Variants in PTPRD observed in about 807,000 individuals in gnomAD.
PTPRD encodes receptor-type tyrosine-protein phosphatase delta.
A neutral mutation model predicts 214.5 loss-of-function variants in PTPRD; 34 were observed. The ratio of observed to expected loss-of-function variants is 0.16; its 90% CI spans 0.12 to 0.21. The LOEUF is 0.21. Among genes scored for constraint, PTPRD ranks in the 10% least tolerant of loss-of-function variants. The probability of loss-of-function intolerance (pLI) is 1.00; values close to 1 mark genes in which losing one functional copy is unlikely to be tolerated. For synonymous variants in PTPRD, 1,128 were observed against 845.7 expected (o/e 1.33, Z -5.79); for missense variants, 2,545 against 2,398.7 (o/e 1.06, Z -1.27).
intron 43 of PTPRD, among the ~76,000 whole-genome samples, chr9:8,336,613 A>T (rs749257160): frequency 3.4e-4 from 49 of 144,676 alleles, no homozygotes; most frequent in Non-Finnish European, 6.0e-4. Flanking sequence ...ATTAAACTAA[A>T]GAGCTTCTGC....
At chr9:9,545,354 C>G (rs533265413) in intron 8 of PTPRD, among the ~76,000 whole-genome samples, 43 of 151,880 alleles carry the variant, frequency 2.8e-4, no homozygotes, top group African/African-American at 9.2e-4. Context: ...TTTAATGTCT[C>G]CACAGTTTCG....
intron 5 of PTPRD, among the ~76,000 whole-genome samples, chr9:9,864,122 T>C (rs1297304899): frequency 6.6e-6 from 1 of 152,072 alleles, no homozygotes; most frequent in African/African-American, 2.4e-5. Flanking sequence ...CTGGCCAACA[T>C]GGTGAAACCC....
chr9:8,419,444 C>T lies in PTPRD; in HGVS notation c.4087-14784G>A, dbSNP rs149831394. On this transcript the variant is annotated intron_variant, in intron 35 of 45. Coordinates refer to ENST00000381196, the MANE Select transcript of PTPRD (RefSeq NM_002839.4). ...TCAAGGGTATGCTTTGAAAACCAAA[C>T]AATATAGCGAACAAAAAACAAAAAG... Among the ~76,000 whole-genome samples the T allele has an allele frequency of 3.6e-3, 542 of 151,858 alleles. 1 individual carries two copies. The highest frequency in any genetic ancestry group is 0.013 in the African/African-American group (519 of 41,448).
chr9:10,138,725 T>C (rs1358096275), intron 3 of PTPRD, among the ~76,000 whole-genome samples: 4 of 152,120 alleles, frequency 2.6e-5, no homozygotes, highest in Non-Finnish European at 1.5e-5. Flanking sequence ...GCTTTCTTCC[T>C]GGGATGCAAG....
chr9:10,566,567 A>G (rs572973855), intron 2 of PTPRD, among the ~76,000 whole-genome samples: 50 of 152,012 alleles, frequency 3.3e-4, no homozygotes, highest in African/African-American at 1.1e-3. Flanking sequence ...TAGGAGTTCT[A>G]TGTTCTGTAT....
In PTPRD at chr9:10,345,224, A is replaced by G. The variant is rs558830584; in HGVS notation, c.-599-4207T>C. Among the ~76,000 whole-genome samples, 118 of 152,288 alleles carry G rather than the reference A, an allele frequency of 7.7e-4. 2 individuals are homozygous for G. Among genetic ancestry groups the G allele is most frequent in the African/African-American group, 2.6e-3 (108 of 41,570 alleles). On this transcript the variant is annotated intron_variant, in intron 2 of 45. Coordinates refer to ENST00000381196, the MANE Select transcript of PTPRD (RefSeq NM_002839.4). The stretch of plus-strand genomic sequence containing the variant: ...TTAAATAATATTTCAGACAACCTCA[A>G]TTTACACATGGAAATATATTTTCAT...
intron 3 of PTPRD, among the ~76,000 whole-genome samples, chr9:10,243,370 T>C (rs189542647): frequency 1.3e-5 from 2 of 152,152 alleles, no homozygotes; most frequent in African/African-American, 2.4e-5. Flanking sequence ...TATCACTTTG[T>C]CTACCTTGTG....
intron 8 of PTPRD, among the ~76,000 whole-genome samples, chr9:9,538,575 A>G (rs545619305): frequency 6.6e-6 from 1 of 152,008 alleles, no homozygotes; most frequent in East Asian, 2.0e-4. Context: ...ATGGCACCCA[A>G]CTCAGTAATG....
intron 14 of PTPRD, among the ~76,000 whole-genome samples, chr9:8,606,993 A>C (rs1306433711): frequency 6.6e-6 from 1 of 152,208 alleles, no homozygotes; most frequent in African/African-American, 2.4e-5. Context: ...GCTGGAGCAG[A>C]CACATAAATC....
At chr9:9,577,747 C>A (rs942732411) in intron 7 of PTPRD, among the ~76,000 whole-genome samples, 1 of 151,716 alleles carries the variant, frequency 6.6e-6, no homozygotes, top group South Asian at 2.1e-4. Flanking sequence ...AAAATTCTAG[C>A]CAAATAAATT....
chr9:9,190,252 G>C (rs1474132870), intron 9 of PTPRD, among the ~76,000 whole-genome samples: 1 of 151,964 alleles, frequency 6.6e-6, no homozygotes, highest in Non-Finnish European at 1.5e-5. Context: ...TGAGTGATAT[G>C]GTTTGACTGT....
chr9:10,239,150 T>C (rs1291980064), intron 3 of PTPRD, among the ~76,000 whole-genome samples: 1 of 151,952 alleles, frequency 6.6e-6, no homozygotes, highest in African/African-American at 2.4e-5. Flanking sequence ...GCAATCTCTA[T>C]CTAAATTTAA....
At chr9:9,174,183 T>C (rs1003880259) in intron 10 of PTPRD, among the ~76,000 whole-genome samples, 8 of 152,292 alleles carry the variant, frequency 5.3e-5, no homozygotes, top group African/African-American at 1.9e-4. Flanking sequence ...TTATATAGAA[T>C]ACTTATTTGC....
intron 7 of PTPRD, among the ~76,000 whole-genome samples, chr9:9,674,032 A>G (rs2096882252): frequency 6.6e-6 from 1 of 151,882 alleles, no homozygotes; most frequent in African/African-American, 2.4e-5. Context: ...AGTAACAGCT[A>G]CAGGAGGAAG....
In PTPRD at chr9:8,789,171, C is replaced by T. The variant is rs117811864; in HGVS notation, c.-103-55225G>A. On this transcript the variant is annotated intron_variant, in intron 11 of 45. Coordinates refer to ENST00000381196, the MANE Select transcript of PTPRD (RefSeq NM_002839.4). ...GGCTCAATTAGAGTATGAGTAAAGG[C>T]ACCCCGAGACACAGATTATACTTAA... Among the ~76,000 whole-genome samples the T allele has an allele frequency of 6.3e-4, 96 of 152,206 alleles. 1 individual carries two copies. The highest frequency in any genetic ancestry group is 1.1e-3 in the Non-Finnish European group (73 of 68,010).
At chr9:9,691,936 C>T (rs2097279290) in intron 7 of PTPRD, among the ~76,000 whole-genome samples, 1 of 151,978 alleles carries the variant, frequency 6.6e-6, no homozygotes, top group African/African-American at 2.4e-5. Context: ...TGGGAACTGT[C>T]TATTGAAATA....
At chr9:9,938,218 G>A (rs1430570563) in intron 5 of PTPRD, among the ~76,000 whole-genome samples, 1 of 152,098 alleles carries the variant, frequency 6.6e-6, no homozygotes, top group Non-Finnish European at 1.5e-5. Context: ...TGAGGTTCTA[G>A]CATTTACTCT....
chr9:9,041,422 G>A (rs1569493336), intron 10 of PTPRD, among the ~76,000 whole-genome samples: 1 of 152,116 alleles, frequency 6.6e-6, no homozygotes, highest in East Asian at 1.9e-4. Flanking sequence ...GTGTCCATGT[G>A]TTCTCACCAT....
At chr9:9,231,648 T>C (rs972464195) in intron 9 of PTPRD, among the ~76,000 whole-genome samples, 1 of 152,186 alleles carries the variant, frequency 6.6e-6, no homozygotes, top group Non-Finnish European at 1.5e-5. Context: ...CTGAATGCCA[T>C]TTTTGTTACT....
Sources: allele counts gnomAD v4.1 joint callset (sites outside exome capture counted in the v4.1 genomes callset), GRCh38; gene constraint gnomAD v4.1.1; transcripts MANE v1.5; gene names NCBI Gene and HGNC (gene_info 2026-07-23, HGNC 2026-07-21).